Variants in CHRDL1 observed in about 807,000 individuals in gnomAD.
CHRDL1 encodes chordin-like protein 1.
CHRDL1 carries 19 observed loss-of-function variants against 40.9 expected under a neutral mutation model. The ratio of observed to expected loss-of-function variants is 0.46; its 90% CI spans 0.32 to 0.68. CHRDL1 has a LOEUF of 0.68. Ranked by LOEUF, CHRDL1 falls within the 30% of genes least tolerant of loss-of-function variation. The pLI is 0.03. For missense variants in CHRDL1, 329 were observed against 352.1 expected (o/e 0.93, Z 0.53); for synonymous variants, 136 against 123.4 (o/e 1.10, Z -0.68).
rs530220767 is a variant in CHRDL1, at chrX:110,679,557, G to A, written c.1157-132C>T. ...AGAGTATCGAGTTGGGCTGTGTAAT[G>A]TGCTTAACCAGGAACTTGGATGGCT... On this transcript the variant is annotated intron_variant, in intron 10 of 11. Transcript: ENST00000372042. 3.0e-5 allele frequency: 14 copies of A among 472,546 alleles called. No homozygotes were observed. The Admixed American group carries it at 4.5e-4, about 15-fold the overall frequency. 38.9% of individuals were successfully genotyped at this position (472,546 alleles called of 1,213,427 possible). A position where few individuals can be genotyped will look rare whatever the true frequency, so the allele number is the denominator to read the frequency against.
At chrX:110,774,236 C>A (rs745724315) in intron 2 of CHRDL1, among the ~76,000 whole-genome samples, 1 of 111,783 alleles carries the variant, frequency 8.9e-6, no homozygotes, top group East Asian at 2.8e-4. Context: ...TTGTTCCATT[C>A]CTTTACTTTT....
chrX:110,793,437 G>A (rs757046827), intron 1 of CHRDL1, among the ~76,000 whole-genome samples: 1 of 111,342 alleles, frequency 9.0e-6, no homozygotes, highest in South Asian at 3.9e-4. Flanking sequence ...CCTCCTCCCT[G>A]CTCCTTAAAG....
At chrX:110,713,672 G>A (rs752714171) in intron 6 of CHRDL1, among the ~76,000 whole-genome samples, 1 of 112,319 alleles carries the variant, frequency 8.9e-6, no homozygotes, top group South Asian at 3.7e-4. Context: ...ATTTGTCCTT[G>A]GACAAATCAC....
intron 4 of CHRDL1, 74 bp from the exon 5 acceptor site, chrX:110,721,604 A>G: frequency 1.2e-6 from 1 of 849,801 alleles, no homozygotes; most frequent in Non-Finnish European, 1.7e-6. Context: ...CCAACAGCAG[A>G]CGGGGCTGTA....
chrX:110,727,439 A>G (rs2071078772), intron 4 of CHRDL1, among the ~76,000 whole-genome samples: 2 of 112,481 alleles, frequency 1.8e-5, no homozygotes, highest in African/African-American at 6.5e-5. Context: ...AAGACACTGT[A>G]AAACACTGGA....
intron 2 of CHRDL1, among the ~76,000 whole-genome samples, chrX:110,788,643 AT>A (rs1431970051): frequency 1.8e-5 from 2 of 111,884 alleles, no homozygotes; most frequent in Admixed American, 9.5e-5. Context: ...CTGTTTCTTC[AT>A]CTACTCACAT....
chrX:110,682,272 A>T (rs1188634180), intron 9 of CHRDL1, among the ~76,000 whole-genome samples: 1 of 112,428 alleles, frequency 8.9e-6, no homozygotes, highest in East Asian at 2.8e-4. Flanking sequence ...GCCAAAATCT[A>T]GATGTCAGAT....
At chrX:110,777,893 C>T (rs1313834441) in intron 2 of CHRDL1, among the ~76,000 whole-genome samples, 2 of 110,970 alleles carry the variant, frequency 1.8e-5, no homozygotes, top group Non-Finnish European at 3.8e-5. Context: ...TGGATAGAAC[C>T]TTTGGTGTTG....
At chrX:110,722,267 G>A (rs1452040968) in intron 4 of CHRDL1, among the ~76,000 whole-genome samples, 1 of 111,151 alleles carries the variant, frequency 9.0e-6, no homozygotes, top group Non-Finnish European at 1.9e-5. Flanking sequence ...AAAGTGCTGG[G>A]ATTACAGGCG....
chrX:110,714,025 G>C (rs949561982), intron 6 of CHRDL1, among the ~76,000 whole-genome samples: 1 of 109,336 alleles, frequency 9.1e-6, no homozygotes, highest in Non-Finnish European at 1.9e-5. Flanking sequence ...TGTGGCAGTA[G>C]TATAATCTCT....
chrX:110,734,220 C>G (rs1055450256), intron 4 of CHRDL1, among the ~76,000 whole-genome samples: 2 of 111,549 alleles, frequency 1.8e-5, no homozygotes, highest in African/African-American at 3.3e-5. Context: ...GAAGTACCCT[C>G]TCTATTGCCA....
At chrX:110,702,860 T>C (rs1029510538) in intron 6 of CHRDL1, among the ~76,000 whole-genome samples, 3 of 112,345 alleles carry the variant, frequency 2.7e-5, no homozygotes, top group Non-Finnish European at 3.8e-5. Context: ...TTTTTGTCTA[T>C]TGTGTTTACT....
chrX:110,783,201 C>G lies in CHRDL1; in HGVS notation c.94+8887G>C, dbSNP rs146554410. Among the ~76,000 whole-genome samples, 13 of 112,085 alleles carry G rather than the reference C, an allele frequency of 1.2e-4. No homozygotes were observed. In the East Asian group the frequency reaches 3.1e-3, roughly 27 times the overall value. ...GGAGTGCAATGGCACAATCTTGACT[C>G]ACTGCAACCTCTGCCTCCTGGGTTC... On this transcript the variant is annotated intron_variant, in intron 2 of 11. Transcript: ENST00000372042.
At chrX:110,777,714 T>C (rs1281832699) in intron 2 of CHRDL1, among the ~76,000 whole-genome samples, 1 of 111,985 alleles carries the variant, frequency 8.9e-6, no homozygotes, top group Non-Finnish European at 1.9e-5. Context: ...TGTGTTCTTA[T>C]TGTTGAGTTT....
At chrX:110,723,309 T>C (rs776417590) in intron 4 of CHRDL1, among the ~76,000 whole-genome samples, 10 of 111,178 alleles carry the variant, frequency 9.0e-5, no homozygotes, top group African/African-American at 3.3e-4. Context: ...TTATTCTCAG[T>C]ATGTAGTGAA....
intron 4 of CHRDL1, among the ~76,000 whole-genome samples, chrX:110,756,417 G>A (rs1286587739): frequency 6.3e-5 from 7 of 111,008 alleles, no homozygotes; most frequent in Non-Finnish European, 1.1e-4. Context: ...CACACTACTC[G>A]CATGTAAACA....
intron 7 of CHRDL1, among the ~76,000 whole-genome samples, chrX:110,694,871 G>A (rs1273660281): frequency 8.9e-6 from 1 of 111,788 alleles, no homozygotes; most frequent in Admixed American, 9.5e-5. Context: ...TTGAGAAGGT[G>A]AAGAAGAGAA....
chrX:110,707,016 C>G (rs1453844540), intron 6 of CHRDL1, among the ~76,000 whole-genome samples: 1 of 111,595 alleles, frequency 9.0e-6, no homozygotes, highest in East Asian at 2.8e-4. Flanking sequence ...TTACCATGAG[C>G]TGGGTTCCAT....
chrX:110,690,996 G>A (rs917618212), intron 8 of CHRDL1, among the ~76,000 whole-genome samples: 2 of 110,506 alleles, frequency 1.8e-5, no homozygotes, highest in Non-Finnish European at 3.8e-5. Flanking sequence ...GATCCTTTGA[G>A]CCCAAGAGTT....
Sources: allele counts gnomAD v4.1 joint callset (sites outside exome capture counted in the v4.1 genomes callset), GRCh38; gene constraint gnomAD v4.1.1; transcripts MANE v1.5; gene names NCBI Gene and HGNC (gene_info 2026-07-23, HGNC 2026-07-21).